NBEA: variants seen among roughly 807,000 people sequenced by gnomAD.
The protein encoded by NBEA is neurobeachin.
A neutral mutation model predicts 343.4 loss-of-function variants in NBEA; 44 were observed. The ratio of observed to expected loss-of-function variants is 0.13; its 90% CI spans 0.10 to 0.16. The LOEUF is 0.16. Among genes scored for constraint, NBEA ranks in the 10% least tolerant of loss-of-function variants. The pLI, the probability that NBEA is intolerant of heterozygous loss-of-function variation, is 1.00. For missense variants in NBEA, 2,555 were observed against 3,631.3 expected (o/e 0.70, Z 7.62); for synonymous variants, 1,175 against 1,238.7 (o/e 0.95, Z 1.08).
intron 35 of NBEA, among the ~76,000 whole-genome samples, chr13:35,295,026 C>G (rs1042527576): frequency 1.3e-5 from 2 of 148,730 alleles, no homozygotes; most frequent in Admixed American, 6.8e-5. Context: ...ACATAACATA[C>G]ACTAACACTA....
chr13:35,465,701 T>C (rs956608544), intron 40 of NBEA, among the ~76,000 whole-genome samples: 2 of 152,210 alleles, frequency 1.3e-5, no homozygotes, highest in Non-Finnish European at 2.9e-5. Flanking sequence ...ATTGAAACTA[T>C]CACTGTTGTT....
chr13:35,344,722 T>C (rs559170134), intron 36 of NBEA, among the ~76,000 whole-genome samples: 44 of 152,068 alleles, frequency 2.9e-4, no homozygotes, highest in Non-Finnish European at 6.2e-4. Context: ...AACAAAACCC[T>C]AAATAGTTCT....
chr13:35,308,488 G>GTATA (rs1380889685), intron 35 of NBEA, among the ~76,000 whole-genome samples: 14 of 103,418 alleles, frequency 1.4e-4, no homozygotes, highest in African/African-American at 5.6e-4. Context: ...ATATATATGT[G>GTATA]TATATATATG....
chr13:35,633,292 T>C lies in NBEA; in HGVS notation c.7617+5044T>C, dbSNP rs376490388. On this transcript the variant is annotated intron_variant, in intron 49 of 58. Coordinates refer to ENST00000379939, the MANE Select transcript of NBEA (RefSeq NM_001385012.1). ...TAATTTTTTGTATTTTTAGTAGAGA[T>C]GGGGTTTCACCATGTTAGCCAGGAT... is the stretch of plus-strand genomic sequence containing the variant. Among the ~76,000 whole-genome samples the C allele has an allele frequency of 2.3e-4, 35 of 150,920 alleles. No homozygotes were observed. The East Asian group carries it at 2.9e-3, about 12-fold the overall frequency.
chr13:35,430,720 G>A (rs761306834), intron 38 of NBEA, among the ~76,000 whole-genome samples: 18 of 152,002 alleles, frequency 1.2e-4, no homozygotes, highest in Non-Finnish European at 1.3e-4. Flanking sequence ...GGTGAATTTT[G>A]ACTTAATTTT....
intron 26 of NBEA, among the ~76,000 whole-genome samples, chr13:35,172,850 A>C (rs994190200): frequency 6.6e-6 from 1 of 152,116 alleles, no homozygotes; most frequent in Non-Finnish European, 1.5e-5. Flanking sequence ...TCACGGTCTG[A>C]TTTCAAACTC....
At chr13:35,291,468 T>A (rs2035797144) in intron 35 of NBEA, among the ~76,000 whole-genome samples, 1 of 151,904 alleles carries the variant, frequency 6.6e-6, no homozygotes, top group African/African-American at 2.4e-5. Context: ...TTTTCCTCTT[T>A]ATAGCCAGGA....
intron 41 of NBEA, among the ~76,000 whole-genome samples, chr13:35,491,500 C>CTT (rs1594796125): frequency 1.3e-5 from 2 of 151,876 alleles, no homozygotes; most frequent in East Asian, 3.9e-4. Flanking sequence ...ACTGCAGTGC[C>CTT]TTTTTTCCGG....
At chr13:35,107,584 A>G (rs2065978955) in intron 11 of NBEA, among the ~76,000 whole-genome samples, 1 of 152,010 alleles carries the variant, frequency 6.6e-6, no homozygotes, top group Admixed American at 6.6e-5. Flanking sequence ...AACATTTTAC[A>G]TATTTTACCT....
intron 48 of NBEA, among the ~76,000 whole-genome samples, chr13:35,606,818 T>C (rs1274239006): frequency 6.6e-6 from 1 of 152,206 alleles, no homozygotes; most frequent in Non-Finnish European, 1.5e-5. Context: ...TTATGTTTGC[T>C]CCTTTAGGAG....
chr13:34,957,310 A>T (rs886620406), intron 1 of NBEA, among the ~76,000 whole-genome samples: 1 of 152,200 alleles, frequency 6.6e-6, no homozygotes, highest in Non-Finnish European at 1.5e-5. Flanking sequence ...AGACAGTCTT[A>T]AAAGGTGAGG....
intron 47 of NBEA, among the ~76,000 whole-genome samples, chr13:35,595,107 T>C (rs952310400): frequency 6.6e-6 from 1 of 152,030 alleles, no homozygotes; most frequent in African/African-American, 2.4e-5. Flanking sequence ...TCACTGATGC[T>C]TTATACCACC....
intron 11 of NBEA, among the ~76,000 whole-genome samples, chr13:35,103,159 T>A (rs942389201): frequency 6.6e-6 from 1 of 151,756 alleles, no homozygotes; most frequent in African/African-American, 2.4e-5. Flanking sequence ...TTTAGTCAAT[T>A]ACATGGATTA....
intron 41 of NBEA, among the ~76,000 whole-genome samples, chr13:35,545,100 T>C (rs1458182831): frequency 1.3e-5 from 2 of 152,124 alleles, no homozygotes; most frequent in South Asian, 2.1e-4. Flanking sequence ...CTTAAACTTA[T>C]AGAAAATTAT....
Position 35,068,553 on chromosome 13 carries a change from A to C in NBEA, c.1240-1355A>C, listed in dbSNP as rs74051232. 9.7e-3 allele frequency among the ~76,000 whole-genome samples: 1,482 copies of C among 152,226 alleles called. 20 individuals carry two copies. Among genetic ancestry groups the C allele is most frequent in the African/African-American group, 0.034 (1,428 of 41,528 alleles). On this transcript the variant is annotated intron_variant, in intron 8 of 58. Coordinates refer to ENST00000379939, the MANE Select transcript of NBEA (RefSeq NM_001385012.1). Reference sequence around the variant, plus strand: ...AGTTCTTAAGCATTCTAGTGATAACACTACCCTCCTCATTCAAAAAAAAGT... The same window carrying C: ...AGTTCTTAAGCATTCTAGTGATAACCCTACCCTCCTCATTCAAAAAAAAGT...
intron 1 of NBEA, among the ~76,000 whole-genome samples, chr13:35,002,613 C>T (rs377448382): frequency 6.3e-4 from 96 of 152,138 alleles, no homozygotes; most frequent in Middle Eastern, 3.4e-3. Context: ...TGTATCAGGT[C>T]GGTGCAAAAG....
intron 36 of NBEA, among the ~76,000 whole-genome samples, chr13:35,324,951 T>C (rs1383204011): frequency 2.0e-5 from 3 of 152,132 alleles, no homozygotes; most frequent in Non-Finnish European, 4.4e-5. Context: ...CTTTTGAGTT[T>C]CATTATCTAA....
At chr13:35,198,478 CT>C (rs969566101) in intron 31 of NBEA, among the ~76,000 whole-genome samples, 8 of 151,990 alleles carry the variant, frequency 5.3e-5, no homozygotes, top group Admixed American at 1.3e-4. Context: ...TTAATTAAAA[CT>C]TTAAAAAGCA....
intron 49 of NBEA, among the ~76,000 whole-genome samples, chr13:35,629,503 T>C (rs2083365437): frequency 1.3e-5 from 2 of 152,152 alleles, no homozygotes; most frequent in African/African-American, 4.8e-5. Context: ...GGGCAAAATA[T>C]TCTGAGAACA....
Sources: allele counts gnomAD v4.1 joint callset (sites outside exome capture counted in the v4.1 genomes callset), GRCh38; gene constraint gnomAD v4.1.1; transcripts MANE v1.5; gene names NCBI Gene and HGNC (gene_info 2026-07-23, HGNC 2026-07-21).